The following ARAP2 variants were observed in gnomAD, a reference collection of about 807,000 sequenced individuals.
The protein encoded by ARAP2 is ArfGAP with RhoGAP domain, ankyrin repeat and PH domain 2.
ARAP2 carries 148 observed loss-of-function variants against 194.5 expected under a neutral mutation model. The observed-to-expected ratio is 0.76, with a 90% CI of 0.67 to 0.87. ARAP2 has a LOEUF of 0.87. ARAP2 is among the 40% of genes least tolerant of loss of function. The probability of loss-of-function intolerance (pLI) is 0.00; values close to 1 mark genes in which losing one functional copy is unlikely to be tolerated. For missense variants in ARAP2, 2,128 were observed against 1,989.7 expected, an observed-to-expected ratio of 1.07 and a Z score of -1.32; for synonymous variants, 695 against 683.5, an observed-to-expected ratio of 1.02 and a Z score of -0.26.
chr4:36,081,397 C>A (rs1729519063), intron 30 of ARAP2, among the ~76,000 whole-genome samples: 1 of 152,126 alleles, frequency 6.6e-6, no homozygotes, highest in African/African-American at 2.4e-5. Flanking sequence ...GGACCATGTA[C>A]ATCACACATG....
At chr4:36,103,959 T>C (rs995568282) in intron 27 of ARAP2, among the ~76,000 whole-genome samples, 2 of 151,896 alleles carry the variant, frequency 1.3e-5, no homozygotes, top group Non-Finnish European at 2.9e-5. Context: ...GCAAAGTATA[T>C]GGTTATAATT....
At chr4:36,159,184 ATAGTCT>A (rs1733328960) in intron 14 of ARAP2, 141 bp downstream of exon 14, 1 of 804,032 alleles carries the variant, frequency 1.2e-6, no homozygotes, top group African/African-American at 1.8e-5. Context: ...GATATAAAAA[ATAGTCT>A]TAGGCATCTC....
chr4:36,026,358 G>T (rs1717903499), intron 5 of ARAP2, among the ~76,000 whole-genome samples: 1 of 152,172 alleles, frequency 6.6e-6, no homozygotes, highest in African/African-American at 2.4e-5. Flanking sequence ...CATGCTATTG[G>T]CAGGGATGTC....
chr4:36,042,346 G>A (rs1167893620), intron 5 of ARAP2, among the ~76,000 whole-genome samples: 4 of 152,118 alleles, frequency 2.6e-5, no homozygotes, highest in Non-Finnish European at 4.4e-5. Context: ...ATGTGTTCTC[G>A]CAGCATTGGT....
chr4:36,093,899 T>C (rs138071769), intron 27 of ARAP2, among the ~76,000 whole-genome samples: 68 of 152,302 alleles, frequency 4.5e-4, no homozygotes, highest in African/African-American at 1.5e-3. Context: ...AAATGCATGT[T>C]CTTTTCTAGA....
At chr4:36,225,316 G>A (rs36045827) in intron 2 of ARAP2, among the ~76,000 whole-genome samples, 12,833 of 152,178 alleles carry the variant, frequency 0.084, 589 homozygotes, top group Middle Eastern at 0.12. Flanking sequence ...TCACTAAAGC[G>A]AGGAGGAAAA....
intron 9 of ARAP2, among the ~76,000 whole-genome samples, chr4:36,010,047 T>G (rs765518778): frequency 1.3e-5 from 2 of 151,974 alleles, no homozygotes; most frequent in Non-Finnish European, 2.9e-5. Flanking sequence ...AAAAGTTCTT[T>G]TCATCCTTTG....
intron 1 of ARAP2, among the ~76,000 whole-genome samples, chr4:36,237,048 C>T (rs1264215899): frequency 2.0e-5 from 3 of 152,132 alleles, no homozygotes; most frequent in Non-Finnish European, 2.9e-5. Flanking sequence ...CATTTAACTG[C>T]CCAAGAGTTA....
At chr4:36,220,895 A>G (rs1240183252) in intron 2 of ARAP2, among the ~76,000 whole-genome samples, 1 of 152,094 alleles carries the variant, frequency 6.6e-6, no homozygotes, top group Non-Finnish European at 1.5e-5. Flanking sequence ...TCATTGAAGA[A>G]AAAAGTATTG....
At chr4:36,027,596 G>T (rs546810708) in intron 5 of ARAP2, among the ~76,000 whole-genome samples, 1 of 151,866 alleles carries the variant, frequency 6.6e-6, no homozygotes, top group African/African-American at 2.4e-5. Flanking sequence ...AACTACGATT[G>T]CCACTACAGT....
At chr4:36,088,141 C>T (rs191571296) in intron 28 of ARAP2, among the ~76,000 whole-genome samples, 1 of 152,222 alleles carries the variant, frequency 6.6e-6, no homozygotes, top group Admixed American at 6.5e-5. Flanking sequence ...TGTTGCTACA[C>T]AATGAAAAGT....
intron 19 of ARAP2, among the ~76,000 whole-genome samples, chr4:36,136,953 CACACAT>C (rs1364021922): frequency 2.6e-5 from 4 of 151,378 alleles, no homozygotes; most frequent in South Asian, 2.1e-4. Context: ...CACACACACA[CACACAT>C]ATACACGTAT....
At chr4:36,058,163 A>T (rs1243262018) in intron 1 of ARAP2, 1 of 152,182 alleles carries the variant, frequency 6.6e-6, no homozygotes, top group African/African-American at 2.4e-5. Flanking sequence ...AGTAAATACA[A>T]TTGAATTTTT....
Position 36,031,806 on chromosome 4 carries a change from T to C in ARAP2, n.608-12520A>G, listed in dbSNP as rs540518489. ...GCCTCAGCCCCCCAAGTAGCTGGGA[T>C]TACAGGCGCCCGCCACCACACCCAG... On this transcript the variant is annotated intron_variant and non_coding_transcript_variant, in intron 5 of 12. Transcript: ENST00000503225. Among the ~76,000 whole-genome samples, 340 of 152,086 alleles carry C rather than the reference T, an allele frequency of 2.2e-3. 1 individual carries two copies. Among genetic ancestry groups the C allele is most frequent in the African/African-American group, 7.6e-3 (315 of 41,494 alleles).
chr4:36,214,205 T>TA (rs1256558274), intron 3 of ARAP2, among the ~76,000 whole-genome samples: 6 of 152,314 alleles, frequency 3.9e-5, no homozygotes, highest in Admixed American at 3.9e-4. Context: ...GAAAACTTCT[T>TA]ACATTAGCAT....
intron 2 of ARAP2, among the ~76,000 whole-genome samples, chr4:36,223,387 A>T (rs1362597773): frequency 6.6e-6 from 1 of 152,132 alleles, no homozygotes; most frequent in African/African-American, 2.4e-5. Context: ...AAATCAGTAA[A>T]TAGAGGAAAT....
chr4:36,171,987 C>A (rs918499679), intron 9 of ARAP2, among the ~76,000 whole-genome samples: 6 of 152,106 alleles, frequency 3.9e-5, no homozygotes, highest in Admixed American at 2.6e-4. Flanking sequence ...ATAAGCCAAA[C>A]TATCAACCTT....
intron 5 of ARAP2, among the ~76,000 whole-genome samples, chr4:36,029,755 C>T (rs960391417): frequency 6.6e-6 from 1 of 151,126 alleles, no homozygotes; most frequent in Non-Finnish European, 1.5e-5. Flanking sequence ...TAGAGGGTAC[C>T]TTTTTGACAA....
rs755499681 is a variant in ARAP2, at chr4:36,165,022, C to T, written c.2065G>A (p.Glu689Lys). Residue 689 changes from glutamate to lysine, a missense_variant, in exon 11 of 33, where the codon GAG (glutamate) becomes AAG (lysine). Coordinates refer to ENST00000303965, the MANE Select transcript of ARAP2 (RefSeq NM_015230.4). ...AETLSDYEVA[E>K]KIWFNESNRS... ...TTGGATTCATTGAACCAAATCTTCTCAGCTACTTCATAATCAGAGAGAGTT... is the reference window on the plus strand; with the variant it reads ...TTGGATTCATTGAACCAAATCTTCTTAGCTACTTCATAATCAGAGAGAGTT... 1 of 1,614,096 alleles carries T rather than the reference C, an allele frequency of 6.2e-7. No individual in the cohort carries two copies. Among genetic ancestry groups the T allele is most frequent in the Admixed American group, 1.7e-5 (1 of 60,018 alleles).
Sources: allele counts gnomAD v4.1 joint callset (sites outside exome capture counted in the v4.1 genomes callset), GRCh38; gene constraint gnomAD v4.1.1; transcripts MANE v1.5; gene names NCBI Gene and HGNC (gene_info 2026-07-23, HGNC 2026-07-21).